Variants in TMEM223 observed in about 807,000 individuals in gnomAD.
The protein encoded by TMEM223 is transmembrane protein 223.
In TMEM223, 14 loss-of-function variants were observed where a neutral mutation model predicts 14.1. The ratio of observed to expected loss-of-function variants is 0.99; its 90% CI spans 0.66 to 1.55. TMEM223 has a LOEUF of 1.55. TMEM223 is among the 40% of genes most tolerant of loss of function. The pLI is 0.00. For missense variants in TMEM223, 346 were observed against 269.9 expected (o/e 1.28, Z -1.97); for synonymous variants, 145 against 120.5 (o/e 1.20, Z -1.33).
chr11:62,788,432 T>C (rs1427069970), downstream of TMEM223, among the ~76,000 whole-genome samples: 1 of 146,434 alleles, frequency 6.8e-6, no homozygotes, highest in African/African-American at 2.5e-5. Context: ...TGGCCGGGCC[T>C]GGTGGCTCAC....
chr11:62,778,667 G>A lies in TMEM223; in HGVS notation c.315-4002C>T, dbSNP rs1032407156. On this transcript the variant is annotated intron_variant, in intron 1 of 2. Coordinates refer to the TMEM223 transcript ENST00000528367. ...TCCGTCTGGCAGAGGGTGGGTGGAA[G>A]ACAGGACAGAGCACAGAGGTGTGCA... 5 of 616,618 alleles carry A rather than the reference G, an allele frequency of 8.1e-6. No homozygotes were observed. In the African/African-American group the frequency reaches 9.2e-5, roughly 11 times the overall value. 38.2% of individuals were successfully genotyped at this position (616,618 alleles called of 1,614,324 possible).
intron 1 of TMEM223, chr11:62,776,242 G>A: frequency 3.7e-6 from 3 of 821,590 alleles, no homozygotes; most frequent in Non-Finnish European, 5.9e-6. Flanking sequence ...TTTTGTACAG[G>A]AGCAGAGACG....
At chr11:62,778,812 A>G in intron 1 of TMEM223, 2 of 1,450,626 alleles carry the variant, frequency 1.4e-6, no homozygotes, top group South Asian at 1.1e-5. Context: ...GAGGCTGGAG[A>G]GGCCAGGAGA....
chr11:62,787,696 G>C (rs1590941824), downstream of TMEM223: 2 of 876,652 alleles, frequency 2.3e-6, no homozygotes, highest in East Asian at 2.7e-5. Flanking sequence ...ATCGCGCTTT[G>C]TGGCTCCTCC....
downstream of TMEM223, among the ~76,000 whole-genome samples, chr11:62,788,186 T>G (rs1305812099): frequency 7.0e-6 from 1 of 143,450 alleles, no homozygotes; most frequent in Non-Finnish European, 1.5e-5. Flanking sequence ...GCGGATCACT[T>G]GAGGTCAGGA....
chr11:62,790,358 G>C lies in TMEM223; in HGVS notation c.*265C>G, dbSNP rs903154680. 1.8e-6 allele frequency: 1 copy of C among 546,992 alleles called. No individual in the cohort carries two copies. Among genetic ancestry groups the C allele is most frequent in the Non-Finnish European group, 3.2e-6 (1 of 313,238 alleles). 33.9% of individuals were successfully genotyped at this position (546,992 alleles called of 1,614,324 possible). Reference sequence around the variant, plus strand: ...TTAGGCAGCTGCCCTAGGGATGACTGCTCCTTTATTTGTTGTTAATGAATC... The same window carrying C: ...TTAGGCAGCTGCCCTAGGGATGACTCCTCCTTTATTTGTTGTTAATGAATC... On this transcript the variant is annotated 3_prime_UTR_variant, in exon 2 of 2. Transcript: ENST00000307366.
chr11:62,786,922 G>C (rs1291294081), downstream of TMEM223: 3 of 1,492,402 alleles, frequency 2.0e-6, no homozygotes, highest in East Asian at 8.2e-5. Flanking sequence ...CCCGCACGGC[G>C]ACGAGAGCCC....
rs199542699 is a variant in TMEM223, at chr11:62,782,130, T to C, written c.315-7465A>G. Reference sequence around the variant, plus strand: ...CCCAACAGGTGAAATCTGTAAGCCATGACCTGGAGCAACTGCACCGGCTGC... The same window carrying C: ...CCCAACAGGTGAAATCTGTAAGCCACGACCTGGAGCAACTGCACCGGCTGC... On this transcript the variant is annotated intron_variant, in intron 1 of 2. Transcript: ENST00000528367. The C allele has an allele frequency of 7.5e-6, 12 of 1,610,232 alleles. No individual in the cohort carries two copies. In the East Asian group the frequency reaches 1.1e-4, roughly 15 times the overall value.
chr11:62,787,588 C>A, downstream of TMEM223: 1 of 1,444,848 alleles, frequency 6.9e-7, no homozygotes. Flanking sequence ...CATGGCGAGG[C>A]CACTTTCGCT....
downstream of TMEM223, chr11:62,787,720 C>T (rs1002683584): frequency 2.9e-5 from 22 of 749,940 alleles, no homozygotes; most frequent in Admixed American, 5.3e-5. Flanking sequence ...CCAGGTCATA[C>T]TTCGAAGTTG....
chr11:62,790,114 A>C lies in TMEM223; in HGVS notation c.*509T>G. On this transcript the variant is annotated 3_prime_UTR_variant, in exon 2 of 2. Coordinates refer to ENST00000307366, the MANE Select transcript of TMEM223 (RefSeq NM_001080501.3). ...CAAGTGCCTGTAATCCCCCCCCTCA[A>C]GGCCCTGTTTATGTTGGGAGTCTTA... is the stretch of plus-strand genomic sequence containing the variant. 8.2e-6 allele frequency: 11 copies of C among 1,337,350 alleles called. No homozygotes were observed. Among genetic ancestry groups the C allele is most frequent in the Non-Finnish European group, 7.9e-6 (8 of 1,010,456 alleles). 82.8% of individuals were successfully genotyped at this position (1,337,350 alleles called of 1,614,324 possible).
chr11:62,782,558 C>A, downstream of TMEM223: 1 of 1,323,878 alleles, frequency 7.6e-7, no homozygotes, highest in Non-Finnish European at 1.0e-6. Flanking sequence ...GGCCAGTCAC[C>A]CCTGGCAGCC....
rs954472116 is a variant in TMEM223, at chr11:62,790,326, G to A, written c.*297C>T. ...AAGCAGACATGGACTGAAACTTAGA[G>A]GTACTGTTAGGCAGCTGCCCTAGGG... On this transcript the variant is annotated 3_prime_UTR_variant, in exon 2 of 2. Coordinates refer to ENST00000307366, the MANE Select transcript of TMEM223 (RefSeq NM_001080501.3). 5.6e-6 allele frequency: 3 copies of A among 539,818 alleles called. No homozygotes were observed. Among genetic ancestry groups the A allele is most frequent in the Non-Finnish European group, 9.7e-6 (3 of 310,444 alleles). 33.4% of individuals were successfully genotyped at this position (539,818 alleles called of 1,614,324 possible).
downstream of TMEM223, among the ~76,000 whole-genome samples, chr11:62,784,961 A>G (rs1160845390): frequency 6.6e-6 from 1 of 152,050 alleles, no homozygotes; most frequent in African/African-American, 2.4e-5. Context: ...TGTGGGGAGT[A>G]TTTCTTTTTT....
At chr11:62,774,171 G>T (rs1399541156) in intron 2 of TMEM223, among the ~76,000 whole-genome samples, 1 of 151,894 alleles carries the variant, frequency 6.6e-6, no homozygotes, top group African/African-American at 2.4e-5. Flanking sequence ...CCGCCTCCTG[G>T]GTTCACGCCA....
At position 62,791,798 on chromosome 11, in the gene TMEM223, G is replaced by A. The variant is rs532210838; in HGVS notation, c.197C>T (p.Ala66Val). 26 of 1,575,158 alleles carry A rather than the reference G, an allele frequency of 1.7e-5. No individual in the cohort carries two copies. In the South Asian group the frequency reaches 2.7e-4, roughly 16 times the overall value. ...GVFWASMAVA[A>V]VSRPPVPVQP... Reference sequence around the variant, plus strand: ...CACCGGAACCGGGGGCCGGGACACGGCTGCCACAGCCATGGAAGCCCAGAA... The same window carrying A: ...CACCGGAACCGGGGGCCGGGACACGACTGCCACAGCCATGGAAGCCCAGAA... The change falls in exon 1 of 2, where the codon GCC (alanine) becomes GTC (valine). Residue 66 changes from alanine (A) to valine (V), a missense_variant. Ala to Val is a moderately conservative substitution (Grantham distance 64). Transcript: ENST00000307366.
chr11:62,783,832 C>T (rs911254958), downstream of TMEM223, among the ~76,000 whole-genome samples: 5 of 151,236 alleles, frequency 3.3e-5, no homozygotes, highest in Admixed American at 6.6e-5. Context: ...CACGCCCAGC[C>T]GATTATGTGG....
downstream of TMEM223, chr11:62,789,036 G>T: frequency 6.2e-7 from 1 of 1,612,594 alleles, no homozygotes; most frequent in South Asian, 1.1e-5. Flanking sequence ...TCCTTCAGTG[G>T]TAGATGTCCC....
At chr11:62,778,317 C>T (rs1440120214) in intron 1 of TMEM223, 2 of 1,614,082 alleles carry the variant, frequency 1.2e-6, no homozygotes, top group Admixed American at 1.7e-5. Context: ...CAAAGGGAAC[C>T]TGGCACCTCA....
Sources: gnomAD v4.1 joint callset for allele counts (sites outside exome capture counted in the v4.1 genomes callset) on GRCh38, gnomAD v4.1.1 for gene constraint, MANE v1.5 for transcripts, NCBI Gene and HGNC (gene_info 2026-07-23, HGNC 2026-07-21) for gene names.